Variants in UTP6 observed in about 807,000 individuals in gnomAD.
UTP6 encodes the protein U3 small nucleolar RNA-associated protein 6 homolog.
UTP6 carries 60 observed loss-of-function variants against 96.5 expected under a neutral mutation model. The ratio of observed to expected loss-of-function variants is 0.62; its 90% CI spans 0.51 to 0.77. The LOEUF is 0.77. Among genes scored for constraint, UTP6 ranks in the 30% least tolerant of loss-of-function variants. The pLI is 0.00. For missense variants in UTP6, 637 were observed against 706.5 expected, an observed-to-expected ratio of 0.90 and a Z score of 1.12; for synonymous variants, 215 against 240.1, an observed-to-expected ratio of 0.90 and a Z score of 0.96.
Position 31,868,065 on chromosome 17 carries a change from A to G in UTP6, c.1544T>C (p.Ile515Thr). 6.2e-7 allele frequency: 1 copy of G among 1,613,514 alleles called. No homozygotes were observed. The change falls in exon 17 of 19, where the codon ATT becomes ACT. Residue 515 changes from isoleucine to threonine, a missense_variant. Transcript: ENST00000261708. ...PFSVDFFRKM[I>T]QFEKEQESCN... is the part of the protein sequence containing the mutation. ...ACTTACTTGCTCCTTTTCAAACTGA[A>G]TCATTTTCCTGAAAAAGTCAACTGA... is the stretch of plus-strand genomic sequence containing the variant.
At chr17:31,895,925 G>C (rs1371665977) in intron 2 of UTP6, among the ~76,000 whole-genome samples, 1 of 151,378 alleles carries the variant, frequency 6.6e-6, no homozygotes, top group Non-Finnish European at 1.5e-5. Context: ...CAGCTACTTG[G>C]GAGGCTGATC....
intron 11 of UTP6, among the ~76,000 whole-genome samples, chr17:31,880,028 C>T (rs1479667141): frequency 2.0e-5 from 3 of 151,996 alleles, no homozygotes; most frequent in African/African-American, 7.2e-5. Flanking sequence ...ATCGCTTGAA[C>T]CTGGGAGGTG....
chr17:31,865,009 G>C (rs921420372), intron 18 of UTP6, among the ~76,000 whole-genome samples: 2 of 151,668 alleles, frequency 1.3e-5, no homozygotes, highest in African/African-American at 4.9e-5. Flanking sequence ...CTAAGAAACA[G>C]TTTTGTTTGT....
rs1909573827 is a variant in UTP6 at position 31,861,944 on chromosome 17, A to G, written c.*1415T>C. ...CCTAAGGAAATGGCCAGGGATGTGA[A>G]CAAAGATTGACAAGAATCTTCATCA... On this transcript the variant is annotated 3_prime_UTR_variant, in exon 19 of 19. Coordinates refer to ENST00000261708, the MANE Select transcript of UTP6 (RefSeq NM_018428.3). 6.6e-6 allele frequency: 1 copy of G among 152,182 alleles called. No individual in the cohort carries two copies. Among genetic ancestry groups the G allele is most frequent in the South Asian group, 2.1e-4 (1 of 4,832 alleles). 9.4% of individuals were successfully genotyped at this position (152,182 alleles called of 1,614,324 possible).
rs1350384318 is a variant in UTP6 at position 31,875,275 on chromosome 17, C to A, written c.1264G>T (p.Ala422Ser). The change falls in exon 14 of 19, where the codon GCC becomes TCC. Residue 422 changes from alanine to serine, a missense_variant. By Grantham distance (99) the Ala-to-Ser change is moderately conservative (BLOSUM62 1). Transcript: ENST00000261708. ...VLIESKSPDIAMLFEEAFVHL... is the reference protein window; with the variant it reads ...VLIESKSPDISMLFEEAFVHL... ...ACAAAGGCTTCTTCAAAAAGCATGGCTATGTCAGGGCTCTTTGACTCGATC... is the reference window on the plus strand; with the variant it reads ...ACAAAGGCTTCTTCAAAAAGCATGGATATGTCAGGGCTCTTTGACTCGATC... The A allele has an allele frequency of 1.2e-6, 2 of 1,614,022 alleles. No individual in the cohort carries two copies. Among genetic ancestry groups the A allele is most frequent in the East Asian group, 4.5e-5 (2 of 44,892 alleles).
rs374338385 is a variant in UTP6 at position 31,873,338 on chromosome 17, G to A, written c.1496+40C>T. 65 of 1,583,852 alleles carry A rather than the reference G, an allele frequency of 4.1e-5. 1 individual carries two copies. The African/African-American group carries it at 7.7e-4, about 19-fold the overall frequency. ...TCTGGGTATGAGCGGCTGAGCATGG[G>A]GTAGAGGGACTAGTAACAACTATGA... On this transcript the variant is annotated intron_variant, in intron 16 of 18. Coordinates refer to ENST00000261708, the MANE Select transcript of UTP6 (RefSeq NM_018428.3).
chr17:31,882,134 G>A (rs370089000), intron 10 of UTP6, among the ~76,000 whole-genome samples: 3 of 152,016 alleles, frequency 2.0e-5, no homozygotes, highest in African/African-American at 4.8e-5. Flanking sequence ...GGGTTCAAGC[G>A]ATTCTCCTGC....
Position 31,863,288 on chromosome 17 carries a change from G to A in UTP6, c.*71C>T, listed in dbSNP as rs1598089426. 10 of 1,520,990 alleles carry A rather than the reference G, an allele frequency of 6.6e-6. No individual in the cohort carries two copies. The East Asian group carries it at 2.3e-4, about 34-fold the overall frequency. 94.2% of individuals were successfully genotyped at this position (1,520,990 alleles called of 1,614,324 possible). A position where few individuals can be genotyped will look rare whatever the true frequency, so the allele number is the denominator to read the frequency against. On this transcript the variant is annotated 3_prime_UTR_variant, in exon 19 of 19. Coordinates refer to ENST00000261708, the MANE Select transcript of UTP6 (RefSeq NM_018428.3). The stretch of plus-strand genomic sequence containing the variant: ...GCCATCACTGAGCAAATTACAGATG[G>A]ACTCAATACAAATTTGCCCACGGGG...
chr17:31,899,237 C>T (rs1904827604), intron 2 of UTP6, among the ~76,000 whole-genome samples: 1 of 152,086 alleles, frequency 6.6e-6, no homozygotes. Context: ...GTGGAAGCTA[C>T]ACTGAGCCAT....
intron 13 of UTP6, among the ~76,000 whole-genome samples, chr17:31,876,289 G>A (rs185321044): frequency 0.016 from 2,433 of 150,916 alleles, 25 homozygotes; most frequent in Non-Finnish European, 0.024. Context: ...CACCCACCTC[G>A]GCCTCCCAAA....
At chr17:31,897,401 G>T (rs1904714659) in intron 2 of UTP6, among the ~76,000 whole-genome samples, 1 of 150,352 alleles carries the variant, frequency 6.7e-6, no homozygotes, top group South Asian at 2.1e-4. Flanking sequence ...TGTTTGTTCG[G>T]CTGTCTTTTG....
chr17:31,886,790 A>C (rs1224415021), intron 8 of UTP6: 1 of 152,976 alleles, frequency 6.5e-6, no homozygotes, highest in Non-Finnish European at 1.5e-5. Flanking sequence ...GAAAGAAAGA[A>C]GGCCAGGAAA....
Position 31,870,987 on chromosome 17 carries a change from GTTTTTTTTT to G in UTP6, c.1496+2382_1496+2390del, listed in dbSNP as rs58931819. Among the ~76,000 whole-genome samples, 5 of 111,086 alleles carry G rather than the reference GTTTTTTTTT, an allele frequency of 4.5e-5. No individual in the cohort carries two copies. The Admixed American group carries it at 4.8e-4, about 11-fold the overall frequency. 72.9% of individuals were successfully genotyped at this position (111,086 alleles called of 152,430 possible). ...CATGCCATGACACCCAACTTTTTAAGTTTTTTTTTTTTTTTTTTTTGAGATGGAGTCTTG... is the reference window on the plus strand; with the variant it reads ...CATGCCATGACACCCAACTTTTTAAGTTTTTTTTTTTGAGATGGAGTCTTG... On this transcript the variant is annotated intron_variant, in intron 16 of 18. Transcript: ENST00000261708.
intron 1 of UTP6, among the ~76,000 whole-genome samples, chr17:31,900,299 GT>G (rs1016729980): frequency 6.6e-6 from 1 of 151,784 alleles, no homozygotes; most frequent in African/African-American, 2.4e-5. Context: ...TATGTATGGT[GT>G]TTTTTTTGTT....
intron 6 of UTP6, 91 bp downstream of exon 6, chr17:31,892,169 T>A (rs1904359311): frequency 7.0e-7 from 1 of 1,425,802 alleles, no homozygotes; most frequent in South Asian, 1.2e-5. Context: ...GTCCTCAAAA[T>A]AATTTCTCTT....
rs1360519645 is a variant in UTP6 at position 31,863,534 on chromosome 17, T to C, written c.1637-18A>G. The stretch of plus-strand genomic sequence containing the variant: ...CCAAAGATCTTTTAAAAAAAAAACA[T>C]ACAATTAGATAACTGACAGAGTGTT... On this transcript the variant is annotated intron_variant, in intron 18 of 18. Transcript: ENST00000261708. 1.9e-6 allele frequency: 3 copies of C among 1,576,534 alleles called. No homozygotes were observed. The highest frequency in any genetic ancestry group is 2.3e-5 in the South Asian group (2 of 85,936).
At chr17:31,880,424 A>AT (rs1237609935) in intron 11 of UTP6, 149 bp downstream of exon 11, 7 of 926,184 alleles carry the variant, frequency 7.6e-6, no homozygotes, top group African/African-American at 5.0e-5. Flanking sequence ...CTGCCTCCCA[A>AT]TAAAAAAAAA....
At chr17:31,884,658 T>C (rs1159671896) in intron 9 of UTP6, among the ~76,000 whole-genome samples, 153 bp from the exon 10 acceptor site, 1 of 152,138 alleles carries the variant, frequency 6.6e-6, no homozygotes, top group African/African-American at 2.4e-5. Context: ...CATAGTCCCC[T>C]CACCCCAGTG....
rs911148908 is a variant in UTP6, at chr17:31,873,806, G to A, written c.1306-53C>T. Reference sequence around the variant, plus strand: ...AGAGAACAGCATATAACAAAACATCGCATGTACCCTATAAATATGTAAAAT... The same window carrying A: ...AGAGAACAGCATATAACAAAACATCACATGTACCCTATAAATATGTAAAAT... On this transcript the variant is annotated intron_variant, in intron 14 of 18. Transcript: ENST00000261708. 56 of 1,535,648 alleles carry A rather than the reference G, an allele frequency of 3.6e-5. No individual in the cohort carries two copies. In the South Asian group the frequency reaches 4.4e-4, roughly 12 times the overall value.
Sources: gnomAD v4.1 joint callset for allele counts (sites outside exome capture counted in the v4.1 genomes callset) on GRCh38, gnomAD v4.1.1 for gene constraint, MANE v1.5 for transcripts, NCBI Gene and HGNC (gene_info 2026-07-23, HGNC 2026-07-21) for gene names.